Variants in SEMA3A observed in about 807,000 individuals in gnomAD.
SEMA3A encodes semaphorin-3A.
In SEMA3A, 29 loss-of-function variants were observed where a neutral mutation model predicts 97.9. The observed-to-expected ratio is 0.30, with a 90% CI of 0.22 to 0.40. SEMA3A has a LOEUF of 0.40. Among genes scored for constraint, SEMA3A ranks in the 10% least tolerant of loss-of-function variants. SEMA3A has a pLI of 1.00. For synonymous variants in SEMA3A, 321 were observed against 323.7 expected, an observed-to-expected ratio of 0.99 and a Z score of 0.09; for missense variants, 763 against 951.3, an observed-to-expected ratio of 0.80 and a Z score of 2.60.
chr7:84,479,303 T>A (rs1806383092), intron 1 of SEMA3A, among the ~76,000 whole-genome samples: 1 of 152,148 alleles, frequency 6.6e-6, no homozygotes, highest in Admixed American at 6.6e-5. Context: ...TTAAAAAAAG[T>A]CTTTATGTCT....
intron 1 of SEMA3A, among the ~76,000 whole-genome samples, chr7:84,385,717 C>T (rs1384453764): frequency 6.6e-6 from 1 of 152,092 alleles, no homozygotes; most frequent in African/African-American, 2.4e-5. Flanking sequence ...GTACCATGTC[C>T]GTAACCTATT....
intron 15 of SEMA3A, among the ~76,000 whole-genome samples, chr7:83,967,771 A>C (rs1788761296): frequency 6.6e-6 from 1 of 152,114 alleles, no homozygotes; most frequent in South Asian, 2.1e-4. Flanking sequence ...AACAAACAAA[A>C]AACTATCAAT....
chr7:84,110,026 A>T (rs538940983), intron 4 of SEMA3A, among the ~76,000 whole-genome samples: 4 of 152,194 alleles, frequency 2.6e-5, no homozygotes, highest in Non-Finnish European at 5.9e-5. Context: ...AATGTGAATA[A>T]TGTGAGTCAA....
At chr7:84,483,978 A>G (rs571386107) in intron 1 of SEMA3A, among the ~76,000 whole-genome samples, 13 of 151,834 alleles carry the variant, frequency 8.6e-5, no homozygotes, top group Admixed American at 2.0e-4. Context: ...CAGGAGGCGG[A>G]GGTTGCAGCG....
intron 1 of SEMA3A, among the ~76,000 whole-genome samples, chr7:84,161,496 T>C (rs1797033564): frequency 6.6e-6 from 1 of 152,200 alleles, no homozygotes; most frequent in African/African-American, 2.4e-5. Context: ...CTGGCTCTTC[T>C]ACATTAGAAA....
chr7:84,473,385 T>A (rs1333086615), intron 1 of SEMA3A, among the ~76,000 whole-genome samples: 1 of 148,374 alleles, frequency 6.7e-6, no homozygotes, highest in Non-Finnish European at 1.5e-5. Context: ...TTATTATTAT[T>A]ATTATAATAT....
Position 84,448,757 on chromosome 7 carries a change from G to A in SEMA3A, c.-246+43703C>T, listed in dbSNP as rs769088413. 4.1e-4 allele frequency among the ~76,000 whole-genome samples: 62 copies of A among 151,310 alleles called. 1 individual carries two copies. Among genetic ancestry groups the A allele is most frequent in the East Asian group, 9.7e-4 (5 of 5,144 alleles). On this transcript the variant is annotated intron_variant, in intron 1 of 3. Coordinates refer to the SEMA3A transcript ENST00000424555. ...CTACACAAAGTGATTTACAAATTCC[G>A]TGCAATTTGTTTGAAAATTCCATTT...
At chr7:84,169,207 T>C (rs572150693) in intron 1 of SEMA3A, among the ~76,000 whole-genome samples, 16 of 151,380 alleles carry the variant, frequency 1.1e-4, no homozygotes, top group African/African-American at 3.9e-4. Context: ...AAAAAAGAGC[T>C]TCTTTATTAT....
At chr7:83,966,744 T>C (rs1161107806) in intron 15 of SEMA3A, among the ~76,000 whole-genome samples, 1 of 151,628 alleles carries the variant, frequency 6.6e-6, no homozygotes, top group Non-Finnish European at 1.5e-5. Context: ...GGAGTTTCCC[T>C]ATTGTTGCCC....
intron 3 of SEMA3A, among the ~76,000 whole-genome samples, chr7:84,111,195 A>G (rs1001612898): frequency 6.6e-6 from 1 of 152,194 alleles, no homozygotes; most frequent in Non-Finnish European, 1.5e-5. Context: ...TTCTATAAAC[A>G]TTTGGAATTA....
intron 1 of SEMA3A, among the ~76,000 whole-genome samples, chr7:84,157,050 G>C (rs1009126048): frequency 6.6e-6 from 1 of 151,908 alleles, no homozygotes; most frequent in Non-Finnish European, 1.5e-5. Context: ...TTCAACCTTG[G>C]TATATTTTGA....
intron 1 of SEMA3A, among the ~76,000 whole-genome samples, chr7:84,138,003 ATAATGTATCTTTTAAGAGT>A (rs57948329): frequency 0.06 from 9,194 of 152,146 alleles, 350 homozygotes; most frequent in East Asian, 0.2. Flanking sequence ...GATGGGATGA[ATAATGTATCTTTTAAGAGT>A]TAATGTATCT....
rs545890928 is a variant in SEMA3A at position 84,008,905 on chromosome 7, A to G, written c.996-1408T>C. Among the ~76,000 whole-genome samples, 132 of 152,284 alleles carry G rather than the reference A, an allele frequency of 8.7e-4. 1 individual carries two copies. The South Asian group carries it at 0.026, about 30-fold the overall frequency. On this transcript the variant is annotated intron_variant, in intron 9 of 16. Coordinates refer to ENST00000265362, the MANE Select transcript of SEMA3A (RefSeq NM_006080.3). ...CATACTTGATACATCACACTTTGTA[A>G]TGTTTGGGTTATCTATCCCCTTTCC...
At chr7:84,269,000 T>C (rs1437884902) in intron 3 of SEMA3A, among the ~76,000 whole-genome samples, 5 of 152,150 alleles carry the variant, frequency 3.3e-5, no homozygotes, top group African/African-American at 1.2e-4. Flanking sequence ...AAGAAAGCTT[T>C]CATTACTGTT....
chr7:84,310,786 A>C (rs1801294574), intron 2 of SEMA3A, among the ~76,000 whole-genome samples: 1 of 152,114 alleles, frequency 6.6e-6, no homozygotes. Context: ...TAAAGCTGTT[A>C]TTAATATTGC....
At chr7:84,232,183 C>T (rs1045920813) in intron 3 of SEMA3A, among the ~76,000 whole-genome samples, 1 of 149,960 alleles carries the variant, frequency 6.7e-6, no homozygotes, top group African/African-American at 2.4e-5. Flanking sequence ...TAAGGTATCA[C>T]TTATGAGAAA....
rs1554385601 is a variant in SEMA3A at position 84,430,787 on chromosome 7, ATT to A, written c.-245-58889_-245-58888del. Among the ~76,000 whole-genome samples the A allele has an allele frequency of 2.4e-5, 3 of 125,750 alleles. No homozygotes were observed. In the East Asian group the frequency reaches 1.4e-3, roughly 60 times the overall value. 82.5% of individuals were successfully genotyped at this position (125,750 alleles called of 152,430 possible). A position where few individuals can be genotyped will look rare whatever the true frequency, so the allele number is the denominator to read the frequency against. ...TTCTTCTATACCTACACAACATAAA[ATT>A]TGTGTGTGTGTGTGTGTGTGTGTGT... On this transcript the variant is annotated intron_variant, in intron 1 of 3. Transcript: ENST00000424555.
intron 12 of SEMA3A, among the ~76,000 whole-genome samples, chr7:83,994,818 C>A (rs1790136808): frequency 6.6e-6 from 1 of 151,998 alleles, no homozygotes; most frequent in African/African-American, 2.4e-5. Context: ...GGCAGGCAGG[C>A]CTCCTTGAGC....
At position 84,235,315 on chromosome 7, in the gene SEMA3A, G is replaced by T. The variant is rs937791028; in HGVS notation, c.-82-40647C>A. 2.2e-4 allele frequency among the ~76,000 whole-genome samples: 33 copies of T among 152,024 alleles called. 1 individual carries two copies. Among genetic ancestry groups the T allele is most frequent in the Admixed American group, 7.2e-4 (11 of 15,242 alleles). ...AAAGATAAACTGGTATGATGCATATGATTATATACATGACTTTATATTTAA... is the reference window on the plus strand; with the variant it reads ...AAAGATAAACTGGTATGATGCATATTATTATATACATGACTTTATATTTAA... On this transcript the variant is annotated intron_variant, in intron 3 of 3. Coordinates refer to the SEMA3A transcript ENST00000424555.
Sources: gnomAD v4.1 joint callset for allele counts (sites outside exome capture counted in the v4.1 genomes callset) on GRCh38, gnomAD v4.1.1 for gene constraint, MANE v1.5 for transcripts, NCBI Gene and HGNC (gene_info 2026-07-23, HGNC 2026-07-21) for gene names.